TRANK1: variants seen among roughly 807,000 people sequenced by gnomAD.
The protein encoded by TRANK1 is tetratricopeptide repeat and ankyrin repeat containing 1, also known as TPR and ankyrin repeat-containing protein 1.
TRANK1 carries 198 observed loss-of-function variants against 266.0 expected under a neutral mutation model. The observed-to-expected ratio is 0.74, with a 90% CI of 0.66 to 0.84. TRANK1 has a LOEUF of 0.84. Ranked by LOEUF, TRANK1 falls within the 40% of genes least tolerant of loss-of-function variation. TRANK1 has a pLI of 0.00. For missense variants in TRANK1, 3,326 were observed against 3,634.6 expected, an observed-to-expected ratio of 0.92 and a Z score of 2.18; for synonymous variants, 1,396 against 1,384.1, an observed-to-expected ratio of 1.01 and a Z score of -0.19.
intron 3 of TRANK1, among the ~76,000 whole-genome samples, chr3:36,902,891 G>A (rs1022937874): frequency 2.0e-5 from 3 of 152,238 alleles, no homozygotes; most frequent in African/African-American, 7.2e-5. Context: ...AACACTAGGC[G>A]ATCCTTGTTT....
chr3:36,932,502 G>A (rs999712491), intron 1 of TRANK1, among the ~76,000 whole-genome samples: 5 of 152,136 alleles, frequency 3.3e-5, no homozygotes, highest in Non-Finnish European at 7.3e-5. Flanking sequence ...GGTGGAGGTC[G>A]CAGTGAGCCG....
In TRANK1 at chr3:36,828,389, G is replaced by A. The variant is rs1167152705; in HGVS notation, c.8810-14C>T. 2 of 742,048 alleles carry A rather than the reference G, an allele frequency of 2.7e-6. No individual in the cohort carries two copies. Among genetic ancestry groups the A allele is most frequent in the Middle Eastern group, 3.3e-4 (1 of 3,024 alleles). 46.0% of individuals were successfully genotyped at this position (742,048 alleles called of 1,614,324 possible). ...CCTGAACAATACCTGAAGAAAGAAAGAAGGAAGGAAGGAAGGAAGGAAAGA... is the reference window on the plus strand; with the variant it reads ...CCTGAACAATACCTGAAGAAAGAAAAAAGGAAGGAAGGAAGGAAGGAAAGA... On this transcript the variant is annotated splice_polypyrimidine_tract_variant and intron_variant, in intron 23 of 23. Coordinates refer to ENST00000645898, the MANE Select transcript of TRANK1 (RefSeq NM_001329998.2).
chr3:36,891,332 G>A (rs1235745182), intron 7 of TRANK1, among the ~76,000 whole-genome samples: 4 of 152,050 alleles, frequency 2.6e-5, no homozygotes, highest in Non-Finnish European at 5.9e-5. Context: ...AATGGAGTGA[G>A]ACTCAGTCTC....
intron 1 of TRANK1, among the ~76,000 whole-genome samples, chr3:36,930,037 G>C (rs2080340723): frequency 6.6e-6 from 1 of 152,156 alleles, no homozygotes; most frequent in Non-Finnish European, 1.5e-5. Context: ...ACCACACCCG[G>C]CTAACTTTTT....
intron 1 of TRANK1, among the ~76,000 whole-genome samples, chr3:36,915,571 G>A (rs2080112835): frequency 6.6e-6 from 1 of 152,160 alleles, no homozygotes; most frequent in Non-Finnish European, 1.5e-5. Context: ...ACCCTATGCT[G>A]GGCACTGTGC....
intron 2 of TRANK1, among the ~76,000 whole-genome samples, chr3:36,904,189 C>T (rs551215224): frequency 6.6e-5 from 10 of 151,770 alleles, no homozygotes; most frequent in Admixed American, 2.6e-4. Flanking sequence ...TTCCTGACCT[C>T]GTGATCCGCC....
intron 1 of TRANK1, among the ~76,000 whole-genome samples, chr3:36,943,212 A>C: frequency 6.7e-6 from 1 of 150,184 alleles, no homozygotes; most frequent in Admixed American, 6.6e-5. Flanking sequence ...GGGGGAGGGA[A>C]TAGAATGGAA....
At chr3:36,911,047 G>A (rs949508203) in intron 1 of TRANK1, among the ~76,000 whole-genome samples, 1 of 152,086 alleles carries the variant, frequency 6.6e-6, no homozygotes, top group Non-Finnish European at 1.5e-5. Flanking sequence ...TCCAGCCTGG[G>A]TGACAAGCGC....
At chr3:36,873,710 G>C (rs1197297081) in intron 9 of TRANK1, among the ~76,000 whole-genome samples, 3 of 151,898 alleles carry the variant, frequency 2.0e-5, no homozygotes, top group African/African-American at 7.2e-5. Flanking sequence ...CTTGTCAGCA[G>C]ATGCTGTCCA....
rs368088133 is a variant in TRANK1 at position 36,874,906 on chromosome 3, G to C, written c.908-610C>G. Among the ~76,000 whole-genome samples, 96 of 151,814 alleles carry C rather than the reference G, an allele frequency of 6.3e-4. 1 individual carries two copies. The South Asian group carries it at 0.019, about 30-fold the overall frequency. On this transcript the variant is annotated intron_variant, in intron 8 of 23. Coordinates refer to ENST00000645898, the MANE Select transcript of TRANK1 (RefSeq NM_001329998.2). Reference sequence around the variant, plus strand: ...TGGGGGTACACAAAGACTTAAATGGGCACAGAGAGTTAAATGACTCAATGC... The same window carrying C: ...TGGGGGTACACAAAGACTTAAATGGCCACAGAGAGTTAAATGACTCAATGC...
In TRANK1 at chr3:36,831,534, A is replaced by G; in HGVS notation, c.8049T>C (p.Ala2683=). 1 of 1,613,548 alleles carries G rather than the reference A, an allele frequency of 6.2e-7. No homozygotes were observed. The highest frequency in any genetic ancestry group is 8.5e-7 in the Non-Finnish European group (1 of 1,179,704). ...CCTGGCCAAACTCACACTCAGGTTC[A>G]GCAAAGTAGTCCACAGGGTCCAAAC... ...LLCLDPVDYF[A]EPECEFGQDE... Residue 2683 remains alanine (A), a synonymous_variant, in exon 22 of 24, where the codon GCT becomes GCC. Transcript: ENST00000645898. The surrounding 1 kb of genome is among the most constrained non-coding windows in gnomAD (Gnocchi z 5.0).
intron 1 of TRANK1, among the ~76,000 whole-genome samples, chr3:36,940,482 A>G (rs1225903359): frequency 1.3e-5 from 2 of 148,164 alleles, no homozygotes; most frequent in Non-Finnish European, 3.0e-5. Context: ...CCTGGGCGAC[A>G]GAGCGAGAAT....
chr3:36,895,789 T>C, intron 4 of TRANK1, 31 bp from the exon 5 acceptor site: 1 of 1,434,128 alleles, frequency 7.0e-7, no homozygotes, highest in East Asian at 2.5e-5. Flanking sequence ...TTAGGGATTT[T>C]AATGTGGGGA....
chr3:36,925,579 C>G (rs1387492776), intron 1 of TRANK1, among the ~76,000 whole-genome samples: 1 of 149,512 alleles, frequency 6.7e-6, no homozygotes, highest in South Asian at 2.1e-4. Flanking sequence ...TCCAATACCT[C>G]TTTTGAATCT....
Position 36,831,492 on chromosome 3 carries a change from C to T in TRANK1, c.8091G>A (p.Leu2697=), listed in dbSNP as rs779723169. ...GGACGTGGTCTCGGTCTTCTAATGC[C>T]AGTTCATCCATCTCATCCTGGCCAA... ...CEFGQDEMDE[L]ALEDRDHVLA... The change falls in exon 22 of 24, where the codon CTG becomes CTA. Residue 2697 remains leucine, a synonymous_variant. Coordinates refer to ENST00000645898, the MANE Select transcript of TRANK1 (RefSeq NM_001329998.2). The surrounding 1 kb of genome is among the most constrained non-coding windows in gnomAD (Gnocchi z 5.0). 3.1e-6 allele frequency: 5 copies of T among 1,613,250 alleles called. No homozygotes were observed. Among genetic ancestry groups the T allele is most frequent in the South Asian group, 1.1e-5 (1 of 90,880 alleles).
At chr3:36,866,359 C>T (rs1259263745) in intron 9 of TRANK1, among the ~76,000 whole-genome samples, 3 of 152,082 alleles carry the variant, frequency 2.0e-5, no homozygotes, top group Admixed American at 2.0e-4. Flanking sequence ...TATTTGAAAA[C>T]AGGAAAAAAA....
intron 10 of TRANK1, among the ~76,000 whole-genome samples, chr3:36,861,653 G>A (rs1280871168): frequency 6.6e-6 from 1 of 151,454 alleles, no homozygotes; most frequent in Non-Finnish European, 1.5e-5. Context: ...TCTAAAGACA[G>A]GATAAAAATT....
At chr3:36,830,832 G>C (rs1293274957) in intron 22 of TRANK1, 41 bp downstream of exon 22, 1 of 1,533,532 alleles carries the variant, frequency 6.5e-7, no homozygotes, top group Non-Finnish European at 8.8e-7. Context: ...TCAGAGCCCA[G>C]GTCTCACTCT....
rs781070115 is a variant in TRANK1 at position 36,833,295 on chromosome 3, C to T, written c.6288G>A (p.Arg2096=). 5.6e-6 allele frequency: 9 copies of T among 1,613,986 alleles called. No homozygotes were observed. The Admixed American group carries it at 1.3e-4, about 24-fold the overall frequency. The change falls in exon 22 of 24, where the codon AGG becomes AGA. Residue 2096 remains arginine (R), a synonymous_variant. Transcript: ENST00000645898. Reference sequence around the variant, plus strand: ...CATTGTTGGTCACTCTTTTGAGAGCCCTGACCAGACTGAGGAGGATTTCCA... The same window carrying T: ...CATTGTTGGTCACTCTTTTGAGAGCTCTGACCAGACTGAGGAGGATTTCCA... ...GGLEILLSLV[R]ALKRVTNNAE...
Sources: gnomAD v4.1 joint callset for allele counts (sites outside exome capture counted in the v4.1 genomes callset) on GRCh38, gnomAD v4.1.1 for gene constraint, Gnocchi (gnomAD v3.1) non-coding constraint, MANE v1.5 for transcripts, NCBI Gene and HGNC (gene_info 2026-07-23, HGNC 2026-07-21) for gene names.